Variants in PLCD1 observed in about 807,000 individuals in gnomAD.
The protein encoded by PLCD1 is 1-phosphatidylinositol 4,5-bisphosphate phosphodiesterase delta-1.
A neutral mutation model predicts 87.4 loss-of-function variants in PLCD1; 71 were observed. The observed-to-expected ratio is 0.81, with a 90% CI of 0.67 to 0.99. The LOEUF is 0.99. PLCD1 is among the 50% of genes least tolerant of loss of function. The pLI, the probability that PLCD1 is intolerant of heterozygous loss-of-function variation, is 0.00. For missense variants in PLCD1, 867 were observed against 1,001.5 expected (o/e 0.87, Z 1.81); for synonymous variants, 348 against 399.2 (o/e 0.87, Z 1.53).
In PLCD1 at chr3:38,029,626, G is replaced by C. The variant is rs1700343508; in HGVS notation, c.-87C>G. 7.6e-7 allele frequency: 1 copy of C among 1,307,264 alleles called. No individual in the cohort carries two copies. Among genetic ancestry groups the C allele is most frequent in the Non-Finnish European group, 1.1e-6 (1 of 944,676 alleles). 81.0% of individuals were successfully genotyped at this position (1,307,264 alleles called of 1,614,324 possible). A position where few individuals can be genotyped will look rare whatever the true frequency, so the allele number is the denominator to read the frequency against. On this transcript the variant is annotated 5_prime_UTR_variant, in exon 1 of 15. Coordinates refer to ENST00000334661, the MANE Select transcript of PLCD1 (RefSeq NM_006225.4). ...GCGGCCTGGGGTCCGAGCGGAGTGC[G>C]GTGCAGGGACCTGAATGGACCGCGG...
In PLCD1 at chr3:38,008,494, C is replaced by T. The variant is rs753641000; in HGVS notation, c.1866G>A (p.Gln622=). 2 of 1,614,036 alleles carry T rather than the reference C, an allele frequency of 1.2e-6. No individual in the cohort carries two copies. Among genetic ancestry groups the T allele is most frequent in the African/African-American group, 2.7e-5 (2 of 74,946 alleles). The part of the protein sequence containing the change: ...NGTFNPRALA[Q]GPWWARKRLN... ...GCCGCTTCCGTGCCCACCAGGGCCC[C>T]TGAGCCAGGGCGCGGGGGTTAAAGG... The change falls in exon 12 of 15, where the codon CAG becomes CAA. Residue 622 remains glutamine (Q), a synonymous_variant. Coordinates refer to ENST00000334661, the MANE Select transcript of PLCD1 (RefSeq NM_006225.4).
At chr3:38,028,408 G>A (rs921089368) in intron 1 of PLCD1, among the ~76,000 whole-genome samples, 3 of 152,202 alleles carry the variant, frequency 2.0e-5, no homozygotes, top group Non-Finnish European at 2.9e-5. Context: ...TGCAGAACAC[G>A]AGATAGACTG....
rs567439518 is a variant in PLCD1, at chr3:38,013,974, C to T, written c.429-2301G>A. Among the ~76,000 whole-genome samples the T allele has an allele frequency of 2.2e-4, 34 of 152,192 alleles. No individual in the cohort carries two copies. In the South Asian group the frequency reaches 5.6e-3, roughly 25 times the overall value. ...GAAAGTGAAATTAAGAAAACATTTC[C>T]ATTTACAGTAGCAGCAAAGTGAATA... On this transcript the variant is annotated intron_variant, in intron 3 of 14. Transcript: ENST00000334661.
chr3:38,016,849 C>T, intron 2 of PLCD1, 130 bp from the exon 3 acceptor site: 1 of 732,466 alleles, frequency 1.4e-6, no homozygotes, highest in Non-Finnish European at 2.4e-6. Flanking sequence ...GGAGCTCAGG[C>T]CTTGAGTCCA....
Position 38,007,757 on chromosome 3 carries a change from A to G in PLCD1, c.*16T>C, listed in dbSNP as rs186283456. ...GCCCAGCCCACTCAGGGGGGACCCCACTGGCTTCCTCCAGCCTAGTCCTGG... is the reference window on the plus strand; with the variant it reads ...GCCCAGCCCACTCAGGGGGGACCCCGCTGGCTTCCTCCAGCCTAGTCCTGG... On this transcript the variant is annotated 3_prime_UTR_variant, in exon 15 of 15. Transcript: ENST00000334661. 4.9e-4 allele frequency: 790 copies of G among 1,600,800 alleles called. 5 individuals are homozygous for G. In the African/African-American group the frequency reaches 7.5e-3, roughly 15 times the overall value.
chr3:38,010,376 G>A lies in PLCD1; in HGVS notation c.977C>T (p.Thr326Ile). 6.2e-7 allele frequency: 1 copy of A among 1,614,234 alleles called. No homozygotes were observed. ...LEDQLAGPSS[T>I]EAYIRALCKG... The stretch of plus-strand genomic sequence containing the variant: ...TGAGCAGCACCGGATGTAGGCTTCA[G>A]TGCTGCTGGGCCCGGCTAGCTGGTC... The change falls in exon 6 of 15, where the codon ACT becomes ATT. Residue 326 changes from threonine (T) to isoleucine (I), a missense_variant. Coordinates refer to ENST00000334661, the MANE Select transcript of PLCD1 (RefSeq NM_006225.4).
intron 5 of PLCD1, 96 bp downstream of exon 5, chr3:38,011,118 T>G: frequency 1.0e-6 from 1 of 962,496 alleles, no homozygotes. Context: ...GCCCCTTCCC[T>G]CCGGTTCCCT....
At chr3:38,024,270 G>T (rs753092549) in intron 1 of PLCD1, 2 of 1,418,430 alleles carry the variant, frequency 1.4e-6, no homozygotes, top group Non-Finnish European at 2.0e-6. Context: ...AGGGACAAGT[G>T]GTCGGCGTCC....
chr3:38,008,133 G>A lies in PLCD1; in HGVS notation c.2066C>T (p.Ala689Val), dbSNP rs777926520. 50 of 1,613,774 alleles carry A rather than the reference G, an allele frequency of 3.1e-5. No homozygotes were observed. Among genetic ancestry groups the A allele is most frequent in the East Asian group, 4.5e-5 (2 of 44,886 alleles). Residue 689 changes from alanine to valine, a missense_variant, in exon 14 of 15, where the codon GCG (alanine) becomes GTG (valine). Transcript: ENST00000334661. ...AAGGTCAGGCACAACTACCTCAAAC[G>A]CAAACTCCGTGTCCCACCATGGGTT... is the stretch of plus-strand genomic sequence containing the variant. ...GFNPWWDTEFAFEVVVPDLAL... is the reference protein window; with the variant it reads ...GFNPWWDTEFVFEVVVPDLAL...
chr3:38,007,606 T>C lies in PLCD1; in HGVS notation c.*167A>G, dbSNP rs1267667046. ...TGAAGGACAGCTCCAGGGACTGGGC[T>C]AGCTCCTGGTCCCCAGGGAGGCAGC... On this transcript the variant is annotated 3_prime_UTR_variant, in exon 15 of 15. Transcript: ENST00000334661. 4 of 705,366 alleles carry C rather than the reference T, an allele frequency of 5.7e-6. No homozygotes were observed. The Admixed American group carries it at 6.0e-5, about 11-fold the overall frequency. 43.7% of individuals were successfully genotyped at this position (705,366 alleles called of 1,614,324 possible).
Position 38,016,765 on chromosome 3 carries a change from G to T in PLCD1, c.200-46C>A, listed in dbSNP as rs1448242874. ...AGGAGAGAGGGAGAGAATGCTGTGA[G>T]GTCAGTCCCTGACCCTGACATGGCC... On this transcript the variant is annotated intron_variant, in intron 2 of 14. Coordinates refer to ENST00000334661, the MANE Select transcript of PLCD1 (RefSeq NM_006225.4). The T allele has an allele frequency of 2.9e-6, 4 of 1,372,566 alleles. No individual in the cohort carries two copies. The African/African-American group carries it at 5.8e-5, about 20-fold the overall frequency. The allele number at this position is 1,372,566 out of a possible 1,614,324, so 85.0% of individuals were successfully genotyped here. A position where few individuals can be genotyped will look rare whatever the true frequency, so the allele number is the denominator to read the frequency against.
At position 38,007,636 on chromosome 3, in the gene PLCD1, G is replaced by C; in HGVS notation, c.*137C>G. The C allele has an allele frequency of 1.4e-6, 1 of 731,136 alleles. No homozygotes were observed. Among genetic ancestry groups the C allele is most frequent in the African/African-American group, 1.7e-5 (1 of 57,740 alleles). The allele number at this position is 731,136 out of a possible 1,614,324, so 45.3% of individuals were successfully genotyped here. ...CCTGGTCCCCAGGGAGGCAGCAGCA[G>C]ACACTATGTTAGGGCTGAAGGCAAT... On this transcript the variant is annotated 3_prime_UTR_variant, in exon 15 of 15. Transcript: ENST00000334661.
chr3:38,016,930 G>T (rs556652575), intron 2 of PLCD1, among the ~76,000 whole-genome samples: 2 of 152,236 alleles, frequency 1.3e-5, no homozygotes, highest in East Asian at 1.9e-4. Flanking sequence ...AGAAACTGAG[G>T]GGGAGACAGA....
rs772879535 is a variant in PLCD1, at chr3:38,020,289, G to T, written c.98C>A (p.Ser33Tyr). The T allele has an allele frequency of 1.8e-5, 29 of 1,613,854 alleles. No homozygotes were observed. The highest frequency in any genetic ancestry group is 2.4e-5 in the Non-Finnish European group (28 of 1,179,920). Reference protein sequence around the residue: ...LKGSQLLKVKSSSWRRERFYK... With the variant: ...LKGSQLLKVKYSSWRRERFYK... ...GAAGCGCTCTCTCCTCCATGAGCTG[G>T]ACTTCACCTTCAGGAGCTGGCTGCC... Residue 33 changes from serine to tyrosine, a missense_variant, in exon 2 of 15, where the codon TCC becomes TAC. Coordinates refer to ENST00000334661, the MANE Select transcript of PLCD1 (RefSeq NM_006225.4).
intron 1 of PLCD1, among the ~76,000 whole-genome samples, chr3:38,021,088 C>T (rs1700227133): frequency 6.6e-6 from 1 of 152,104 alleles, no homozygotes. Context: ...TTCTTGGTGT[C>T]AACATTGTGG....
chr3:38,024,580 A>G, intron 1 of PLCD1: 1 of 1,508,376 alleles, frequency 6.6e-7, no homozygotes, highest in South Asian at 1.2e-5. Context: ...CAGGAATGGG[A>G]GGGAGGAGCT....
intron 9 of PLCD1, 93 bp from the exon 10 acceptor site, chr3:38,009,524 GAGAC>G (rs1017730750): frequency 2.1e-5 from 33 of 1,555,122 alleles, no homozygotes; most frequent in Non-Finnish European, 2.7e-5. Flanking sequence ...GAGACAGAGG[GAGAC>G]AGACAGAGAG....
Position 38,010,291 on chromosome 3 carries a change from T to C in PLCD1, c.993-16A>G. 6.2e-7 allele frequency: 1 copy of C among 1,614,170 alleles called. No homozygotes were observed. The highest frequency in any genetic ancestry group is 8.5e-7 in the Non-Finnish European group (1 of 1,180,006). ...GCACAGTGCCCTGCGGGGAGGGTGG[T>C]GGCTAGGACCCTCCAGGTCCTGTCC... On this transcript the variant is annotated splice_polypyrimidine_tract_variant and intron_variant, in intron 6 of 14. Coordinates refer to ENST00000334661, the MANE Select transcript of PLCD1 (RefSeq NM_006225.4).
Position 38,025,692 on chromosome 3 carries a change from A to T in PLCD1, c.34+3814T>A, listed in dbSNP as rs1700301679. 6.6e-6 allele frequency among the ~76,000 whole-genome samples: 1 copy of T among 152,194 alleles called. No individual in the cohort carries two copies. Among genetic ancestry groups the T allele is most frequent in the Non-Finnish European group, 1.5e-5 (1 of 68,038 alleles). On this transcript the variant is annotated intron_variant, in intron 1 of 14. Transcript: ENST00000334661. The surrounding 1 kb of genome is among the most constrained non-coding windows in gnomAD (Gnocchi z 4.0). Reference sequence around the variant, plus strand: ...ATGAGAACGACTGTAACTTTGCACAAAACTTTGCTGCCAATATGCTCGGGA... The same window carrying T: ...ATGAGAACGACTGTAACTTTGCACATAACTTTGCTGCCAATATGCTCGGGA...
Sources: allele counts gnomAD v4.1 joint callset (sites outside exome capture counted in the v4.1 genomes callset), GRCh38; gene constraint gnomAD v4.1.1; non-coding constraint Gnocchi (gnomAD v3.1); transcripts MANE v1.5; gene names NCBI Gene and HGNC (gene_info 2026-07-23, HGNC 2026-07-21).